The following EYA1 variants were observed in gnomAD, a reference collection of about 807,000 sequenced individuals.
The protein encoded by EYA1 is protein phosphatase EYA1.
EYA1 carries 16 observed loss-of-function variants against 82.0 expected under a neutral mutation model. The observed-to-expected ratio is 0.20, with a 90% CI of 0.13 to 0.30. The LOEUF is 0.30. Ranked by LOEUF, EYA1 falls within the 10% of genes least tolerant of loss-of-function variation. The pLI, the probability that EYA1 is intolerant of heterozygous loss-of-function variation, is 1.00. For missense variants in EYA1, 633 were observed against 730.7 expected (o/e 0.87, Z 1.54); for synonymous variants, 261 against 264.4 (o/e 0.99, Z 0.12).
At chr8:71,490,994 A>T (rs962998274) in intron 2 of EYA1, among the ~76,000 whole-genome samples, 13 of 152,190 alleles carry the variant, frequency 8.5e-5, no homozygotes, top group Non-Finnish European at 1.5e-5. Flanking sequence ...ATTGACGCTC[A>T]AGTAACTGGT....
chr8:71,483,640 C>T (rs1408343523), intron 2 of EYA1, among the ~76,000 whole-genome samples: 2 of 151,160 alleles, frequency 1.3e-5, no homozygotes, highest in Non-Finnish European at 2.9e-5. Context: ...ATATGACAAT[C>T]TGCCTAATAG....
Position 71,230,716 on chromosome 8 carries a change from C to T in EYA1, c.1141-13693G>A, listed in dbSNP as rs113560723. Among the ~76,000 whole-genome samples the T allele has an allele frequency of 3.6e-3, 541 of 152,342 alleles. 2 individuals are homozygous for T. Among genetic ancestry groups the T allele is most frequent in the African/African-American group, 0.011 (454 of 41,570 alleles). Reference sequence around the variant, plus strand: ...TATGGCGAAACTAGGAAAGCAGTTTCATGAACAGGTTAATTAACAGCCTGT... The same window carrying T: ...TATGGCGAAACTAGGAAAGCAGTTTTATGAACAGGTTAATTAACAGCCTGT... On this transcript the variant is annotated intron_variant, in intron 12 of 17. Transcript: ENST00000340726.
At chr8:71,356,078 G>A (rs760991988) in intron 2 of EYA1, among the ~76,000 whole-genome samples, 3 of 152,116 alleles carry the variant, frequency 2.0e-5, no homozygotes, top group Non-Finnish European at 2.9e-5. Flanking sequence ...TTTAGAGGTC[G>A]CACTTACATT....
chr8:71,228,350 C>G (rs1003616724), intron 12 of EYA1, among the ~76,000 whole-genome samples: 1 of 151,988 alleles, frequency 6.6e-6, no homozygotes, highest in African/African-American at 2.4e-5. Flanking sequence ...TTGGTGTGAA[C>G]TGCACTATGA....
At chr8:71,481,181 T>G (rs956316130) in intron 2 of EYA1, among the ~76,000 whole-genome samples, 1 of 152,192 alleles carries the variant, frequency 6.6e-6, no homozygotes, top group Non-Finnish European at 1.5e-5. Context: ...AAAAAAAGTT[T>G]ACTAGAATTT....
intron 9 of EYA1, among the ~76,000 whole-genome samples, chr8:71,283,754 T>C (rs560675915): frequency 5.9e-5 from 9 of 152,214 alleles, no homozygotes; most frequent in Admixed American, 3.3e-4. Context: ...TCTCAACTGA[T>C]TGAAACAGTG....
chr8:71,436,738 C>A (rs1204105062), intron 2 of EYA1, among the ~76,000 whole-genome samples: 1 of 152,044 alleles, frequency 6.6e-6, no homozygotes, highest in Admixed American at 6.6e-5. Flanking sequence ...AAAGAGAAAT[C>A]TTTAAACAAA....
At chr8:71,470,768 A>G (rs1320512154) in intron 2 of EYA1, 4 of 431,014 alleles carry the variant, frequency 9.3e-6, no homozygotes, top group Non-Finnish European at 1.8e-5. Flanking sequence ...GATATAACAG[A>G]CTTAACACTG....
chr8:71,473,353 C>CA (rs35494054), intron 2 of EYA1, among the ~76,000 whole-genome samples: 2,026 of 86,554 alleles, frequency 0.023, 23 homozygotes, highest in South Asian at 0.032. Flanking sequence ...AACAAATTTA[C>CA]AAAAAAAAAA....
At chr8:71,365,918 A>G (rs184515154), upstream of EYA1, among the ~76,000 whole-genome samples, 1 of 152,326 alleles carries the variant, frequency 6.6e-6, no homozygotes, top group East Asian at 1.9e-4. Flanking sequence ...TTCCATTCAA[A>G]CTCCAACATG....
At chr8:71,238,294 G>C (rs1292551772) in intron 12 of EYA1, among the ~76,000 whole-genome samples, 1 of 152,026 alleles carries the variant, frequency 6.6e-6, no homozygotes, top group Non-Finnish European at 1.5e-5. Context: ...TCAACATTAG[G>C]CCGCATAATT....
intron 4 of EYA1, among the ~76,000 whole-genome samples, chr8:71,325,649 A>T (rs1418388578): frequency 6.6e-6 from 1 of 152,214 alleles, no homozygotes; most frequent in Non-Finnish European, 1.5e-5. Flanking sequence ...GTTCTGTGGC[A>T]ATATAGATTG....
chr8:71,287,777 C>A (rs1818547951), intron 9 of EYA1, among the ~76,000 whole-genome samples: 1 of 152,218 alleles, frequency 6.6e-6, no homozygotes, highest in South Asian at 2.1e-4. Flanking sequence ...ATATTCCCAG[C>A]ACCAAGCACA....
intron 2 of EYA1, among the ~76,000 whole-genome samples, chr8:71,503,148 T>G (rs1013216918): frequency 6.6e-6 from 1 of 152,108 alleles, no homozygotes; most frequent in Non-Finnish European, 1.5e-5. Context: ...CACTAAATAC[T>G]TAATAAAGCT....
Position 71,442,555 on chromosome 8 carries a change from T to C in EYA1, c.34-86044A>G, listed in dbSNP as rs573615953. Among the ~76,000 whole-genome samples the C allele has an allele frequency of 2.6e-5, 4 of 152,370 alleles. No individual in the cohort carries two copies. In the East Asian group the frequency reaches 7.7e-4, roughly 29 times the overall value. ...ATGTGGGTCAATTAACAGACAGTTGTATTGATTCTGAAAGTCAAACTTTTT... is the reference window on the plus strand; with the variant it reads ...ATGTGGGTCAATTAACAGACAGTTGCATTGATTCTGAAAGTCAAACTTTTT... On this transcript the variant is annotated intron_variant, in intron 2 of 18. Transcript: ENST00000643681.
At chr8:71,201,628 A>G (rs1022833710) in intron 17 of EYA1, among the ~76,000 whole-genome samples, 6 of 152,102 alleles carry the variant, frequency 3.9e-5, no homozygotes, top group Admixed American at 3.3e-4. Context: ...CACTATAAAC[A>G]TTTCTTTATA....
chr8:71,435,618 A>T (rs1178579995), intron 2 of EYA1, among the ~76,000 whole-genome samples: 1 of 152,078 alleles, frequency 6.6e-6, no homozygotes, highest in Non-Finnish European at 1.5e-5. Flanking sequence ...TTCCTTAACC[A>T]TGTCTATGGT....
intron 2 of EYA1, among the ~76,000 whole-genome samples, chr8:71,412,634 C>G (rs537771101): frequency 3.3e-5 from 5 of 152,192 alleles, no homozygotes; most frequent in South Asian, 2.1e-4. Context: ...ATTATGAAAT[C>G]TGCATAATGG....
At chr8:71,450,638 G>C (rs527451674) in intron 2 of EYA1, among the ~76,000 whole-genome samples, 10 of 152,256 alleles carry the variant, frequency 6.6e-5, no homozygotes, top group African/African-American at 2.4e-4. Context: ...TGTGCTGTTG[G>C]GAAAATGGCA....
Sources: gnomAD v4.1 joint callset for allele counts (sites outside exome capture counted in the v4.1 genomes callset) on GRCh38, gnomAD v4.1.1 for gene constraint, MANE v1.5 for transcripts, NCBI Gene and HGNC (gene_info 2026-07-23, HGNC 2026-07-21) for gene names.